UBR4: variants seen among roughly 807,000 people sequenced by gnomAD.
The protein encoded by UBR4 is E3 ubiquitin-protein ligase UBR4.
A neutral mutation model predicts 575.6 loss-of-function variants in UBR4; 124 were observed. The ratio of observed to expected loss-of-function variants is 0.22; its 90% confidence interval spans 0.19 to 0.25. The LOEUF is 0.25. UBR4 is among the 10% of genes least tolerant of loss of function. The pLI is 1.00. For synonymous variants in UBR4, 2,455 were observed against 2,473.7 expected, an observed-to-expected ratio of 0.99 and a Z score of 0.22; for missense variants, 4,818 against 6,478.8, an observed-to-expected ratio of 0.74 and a Z score of 8.80.
At position 19,099,589 on chromosome 1, in the gene UBR4, G is replaced by A; in HGVS notation, c.13302+8C>T. 1.2e-6 allele frequency: 2 copies of A among 1,612,730 alleles called. No homozygotes were observed. Among genetic ancestry groups the A allele is most frequent in the Non-Finnish European group, 1.7e-6 (2 of 1,179,082 alleles). ...ACCACACCTCCAAACGAGAAAGCAGGCACATACCTCATTCGTGGTACACCA... is the reference window on the plus strand; with the variant it reads ...ACCACACCTCCAAACGAGAAAGCAGACACATACCTCATTCGTGGTACACCA... On this transcript the variant is annotated splice_region_variant and intron_variant, in intron 90 of 105. Transcript: ENST00000375254.
At chr1:19,090,630 G>A (rs2077413348) in intron 97 of UBR4, among the ~76,000 whole-genome samples, 1 of 152,058 alleles carries the variant, frequency 6.6e-6, no homozygotes, top group Non-Finnish European at 1.5e-5. Flanking sequence ...TCTTCCACCA[G>A]ACAGTAAGCT....
intron 105 of UBR4, among the ~76,000 whole-genome samples, chr1:19,075,983 G>A (rs1020981047): frequency 1.3e-5 from 2 of 152,196 alleles, no homozygotes; most frequent in African/African-American, 4.8e-5. Flanking sequence ...ACCTTTGTAG[G>A]GCGGGTGCTC....
At chr1:19,161,381 A>G (rs1190062033) in intron 37 of UBR4, among the ~76,000 whole-genome samples, 3 of 152,218 alleles carry the variant, frequency 2.0e-5, no homozygotes, top group Admixed American at 1.3e-4. Context: ...TCTTAGGAAA[A>G]ACGAACTACA....
chr1:19,106,592 C>T lies in UBR4; in HGVS notation c.12370G>A (p.Gly4124Arg). Residue 4124 changes from glycine (G) to arginine (R), a missense_variant, in exon 83 of 106, where the codon GGG becomes AGG. Transcript: ENST00000375254. ...ACTTGTCGCAGCCAGTTGTTATGCC[C>T]CAGTTTGAGATCCAAGGGGGAGGTC... ...KRTSPLDLKL[G>R]HNNWLRQVLF... The T allele has an allele frequency of 6.3e-7, 1 of 1,580,420 alleles. No individual in the cohort carries two copies. Among genetic ancestry groups the T allele is most frequent in the East Asian group, 2.2e-5 (1 of 44,748 alleles).
chr1:19,095,378 AGAG>A (rs930232123), intron 93 of UBR4, among the ~76,000 whole-genome samples, 164 bp downstream of exon 93: 21 of 152,326 alleles, frequency 1.4e-4, no homozygotes, highest in Non-Finnish European at 2.8e-4. Flanking sequence ...TGAGCCAGCC[AGAG>A]GAGAAGGGCA....
intron 41 of UBR4, 144 bp downstream of exon 41, chr1:19,156,623 T>G (rs2086493763): frequency 2.2e-6 from 3 of 1,351,974 alleles, no homozygotes; most frequent in South Asian, 3.0e-5. Context: ...TGGGAGAAAT[T>G]CAAAGAAAAA....
Position 19,089,071 on chromosome 1 carries a change from C to T in UBR4, c.14212-94G>A. ...AAGGTTTAGAAACTCAACCAGCATG[C>T]ACCATCTCATGTCACCTGCTCAGCT... On this transcript the variant is annotated intron_variant, in intron 97 of 105. Transcript: ENST00000375254. This position sits in a 1 kb window ranked among gnomAD's most constrained non-coding sequence, Gnocchi z 4.3. 3 of 1,260,870 alleles carry T rather than the reference C, an allele frequency of 2.4e-6. No individual in the cohort carries two copies. Among genetic ancestry groups the T allele is most frequent in the Non-Finnish European group, 3.3e-6 (3 of 896,588 alleles). The allele number at this position is 1,260,870 out of a possible 1,614,324, so 78.1% of individuals were successfully genotyped here.
intron 54 of UBR4, among the ~76,000 whole-genome samples, chr1:19,144,520 T>C (rs2084567547): frequency 6.6e-6 from 1 of 152,210 alleles, no homozygotes; most frequent in African/African-American, 2.4e-5. Flanking sequence ...TAAGTCACAA[T>C]TCACCGAGTT....
intron 97 of UBR4, among the ~76,000 whole-genome samples, chr1:19,090,382 C>A (rs1375508351): frequency 2.0e-5 from 3 of 152,138 alleles, no homozygotes; most frequent in Non-Finnish European, 4.4e-5. Flanking sequence ...AGGAGAAAAC[C>A]CACACTCCTC....
intron 103 of UBR4, chr1:19,079,227 C>G (rs1297102776): frequency 6.6e-6 from 1 of 152,190 alleles, no homozygotes; most frequent in Non-Finnish European, 1.5e-5. Context: ...GCTATCCACA[C>G]CTGCATTCAA....
At chr1:19,104,042 A>G in intron 87 of UBR4, 42 bp downstream of exon 87, 1 of 1,600,142 alleles carries the variant, frequency 6.2e-7, no homozygotes, top group Non-Finnish European at 8.5e-7. Context: ...GCAGCCCCAG[A>G]AGGGACAGTG....
chr1:19,125,514 G>C (rs1288254212), intron 64 of UBR4: 2 of 152,250 alleles, frequency 1.3e-5, no homozygotes, highest in East Asian at 3.8e-4. Flanking sequence ...AGATGGGCTA[G>C]GAATTCGCTA....
In UBR4 at chr1:19,157,067, A is replaced by G; in HGVS notation, c.5761-142T>C. On this transcript the variant is annotated intron_variant, in intron 40 of 105. Transcript: ENST00000375254. This position sits in a 1 kb window ranked among gnomAD's most constrained non-coding sequence, Gnocchi z 4.4. ...TAAGTCTAGTAGAAAATCCTAGATC[A>G]GTATTAGTCTCTATTACTCCTGGCT... The G allele has an allele frequency of 1.1e-6, 1 of 918,350 alleles. No homozygotes were observed. The highest frequency in any genetic ancestry group is 1.6e-6 in the Non-Finnish European group (1 of 629,762). The allele number at this position is 918,350 out of a possible 1,614,324, so 56.9% of individuals were successfully genotyped here.
Position 19,153,092 on chromosome 1 carries a change from G to A in UBR4, c.6832+209C>T, listed in dbSNP as rs1459034159. ...AGGTCCAGGACATAACTCGTTACTA[G>A]GCACCAAAGAACTGCTGGCCTGAAA... On this transcript the variant is annotated intron_variant, in intron 46 of 105. Coordinates refer to ENST00000375254, the MANE Select transcript of UBR4 (RefSeq NM_020765.3). The surrounding 1 kb of genome is among the most constrained non-coding windows in gnomAD (Gnocchi z 4.1). Among the ~76,000 whole-genome samples the A allele has an allele frequency of 6.6e-6, 1 of 152,182 alleles. No individual in the cohort carries two copies. The highest frequency in any genetic ancestry group is 2.4e-5 in the African/African-American group (1 of 41,428).
At chr1:19,180,738 A>G (rs1248425440) in intron 17 of UBR4, among the ~76,000 whole-genome samples, 1 of 152,024 alleles carries the variant, frequency 6.6e-6, no homozygotes, top group Non-Finnish European at 1.5e-5. Flanking sequence ...TCTTTGTGTC[A>G]GTTTTTCAGT....
chr1:19,152,414 T>C lies in UBR4; in HGVS notation c.6895A>G (p.Thr2299Ala). Residue 2299 changes from threonine to alanine, a missense_variant, in exon 47 of 106, where the codon ACA (threonine) becomes GCA (alanine). Physicochemically the swap from Thr to Ala is moderately conservative, Grantham distance 58 (BLOSUM62 0). Around this residue, in one of 29 missense-constraint regions of UBR4, gnomAD observed 461 missense variants for 606.9 expected, o/e 0.76. Coordinates refer to ENST00000375254, the MANE Select transcript of UBR4 (RefSeq NM_020765.3). The surrounding 1 kb of genome is among the most constrained non-coding windows in gnomAD (Gnocchi z 4.4). ...TCGTTACCACCAAACTCCACATCTG[T>C]CAGCTGCTGGTTGTGTTCAAAAAAG... ...IDFFEHNQQLTDVEFGGNDLL... is the reference protein window; with the variant it reads ...IDFFEHNQQLADVEFGGNDLL... 1 of 1,613,922 alleles carries C rather than the reference T, an allele frequency of 6.2e-7. No individual in the cohort carries two copies. The highest frequency in any genetic ancestry group is 8.5e-7 in the Non-Finnish European group (1 of 1,179,822).
chr1:19,117,831 G>T lies in UBR4; in HGVS notation c.10621C>A (p.Pro3541Thr). Residue 3541 changes from proline to threonine, a missense_variant, in exon 72 of 106, where the codon CCG becomes ACG. This residue lies in a region of UBR4 where 550 missense variants were observed against 791.5 expected (regional missense o/e 0.69). Coordinates refer to ENST00000375254, the MANE Select transcript of UBR4 (RefSeq NM_020765.3). This position sits in a 1 kb window ranked among gnomAD's most constrained non-coding sequence, Gnocchi z 4.0. ...PCLVCNNPEV[P>T]FCYIKLSSIK... is the part of the protein sequence containing the mutation. ...GTACAGATGTTACTTACACAGAACG[G>T]TACTTCCGGGTTATTACACACCAGG... 6.2e-7 allele frequency: 1 copy of T among 1,614,134 alleles called. No homozygotes were observed. Among genetic ancestry groups the T allele is most frequent in the South Asian group, 1.1e-5 (1 of 91,084 alleles).
intron 8 of UBR4, among the ~76,000 whole-genome samples, chr1:19,196,320 AT>A (rs773686452): frequency 6.6e-6 from 1 of 152,326 alleles, no homozygotes. Flanking sequence ...AGATGTTCAA[AT>A]TAAAACTGTT....
intron 28 of UBR4, 101 bp from the exon 29 acceptor site, chr1:19,167,332 G>A (rs2150745512): frequency 7.9e-7 from 1 of 1,267,408 alleles, no homozygotes; most frequent in Non-Finnish European, 1.1e-6. Flanking sequence ...AAGAGGGGAA[G>A]GGGAATTGCG....
Sources: allele counts gnomAD v4.1 joint callset (sites outside exome capture counted in the v4.1 genomes callset), GRCh38; gene constraint gnomAD v4.1.1; regional missense constraint gnomAD v4.1.1; non-coding constraint Gnocchi (gnomAD v3.1); transcripts MANE v1.5; gene names NCBI Gene and HGNC (gene_info 2026-07-23, HGNC 2026-07-21).